CTNND2: variants seen among roughly 807,000 people sequenced by gnomAD.
CTNND2 encodes the protein catenin delta-2.
Under a neutral mutation model 144.4 loss-of-function variants are expected in CTNND2, and 22 were observed. The observed-to-expected ratio is 0.15, with a 90% CI of 0.11 to 0.22. The LOEUF (loss-of-function observed/expected upper bound fraction) is 0.22, where lower values mean the gene tolerates loss of function less well. Among genes scored for constraint, CTNND2 ranks in the 10% least tolerant of loss-of-function variants. The probability of loss-of-function intolerance (pLI) is 1.00; values close to 1 mark genes in which losing one functional copy is unlikely to be tolerated. For synonymous variants in CTNND2, 751 were observed against 695.6 expected (o/e 1.08, Z -1.25); for missense variants, 1,353 against 1,618.8 (o/e 0.84, Z 2.82).
chr5:11,447,715 G>T (rs775408289), intron 3 of CTNND2, among the ~76,000 whole-genome samples: 3 of 152,124 alleles, frequency 2.0e-5, no homozygotes, highest in Non-Finnish European at 2.9e-5. Flanking sequence ...CACAAGGCAC[G>T]TGGCTACTGT....
chr5:11,059,307 C>G (rs916933210), intron 16 of CTNND2, among the ~76,000 whole-genome samples: 6 of 152,244 alleles, frequency 3.9e-5, no homozygotes, highest in Admixed American at 3.9e-4. Flanking sequence ...GGGGGCAGGT[C>G]TTTCTTGTTC....
intron 17 of CTNND2, 48 bp from the exon 18 acceptor site, chr5:11,018,106 G>A (rs376528024): frequency 5.2e-5 from 66 of 1,258,386 alleles, no homozygotes; most frequent in Non-Finnish European, 7.0e-5. Context: ...GGACAGCTGT[G>A]TCACATTTCT....
chr5:11,830,301 C>A (rs893469490), intron 1 of CTNND2, among the ~76,000 whole-genome samples: 1 of 152,020 alleles, frequency 6.6e-6, no homozygotes, highest in African/African-American at 2.4e-5. Flanking sequence ...TTGGGAGGGG[C>A]CAGGGGCAGA....
chr5:11,051,923 C>T lies in CTNND2; in HGVS notation c.2789-28944G>A, dbSNP rs192472738. Among the ~76,000 whole-genome samples, 29 of 152,244 alleles carry T rather than the reference C, an allele frequency of 1.9e-4. 1 individual carries two copies. Among genetic ancestry groups the T allele is most frequent in the African/African-American group, 5.3e-4 (22 of 41,538 alleles). On this transcript the variant is annotated intron_variant, in intron 16 of 21. Transcript: ENST00000304623. Reference sequence around the variant, plus strand: ...TGCTTCTTCACTACGTAACGTTGTGCGTTTAATAAGCACTGTCTGCCTGCC... The same window carrying T: ...TGCTTCTTCACTACGTAACGTTGTGTGTTTAATAAGCACTGTCTGCCTGCC...
intron 3 of CTNND2, among the ~76,000 whole-genome samples, chr5:11,537,272 C>G (rs996460743): frequency 6.6e-6 from 1 of 152,060 alleles, no homozygotes; most frequent in Admixed American, 6.6e-5. Context: ...AAAGATGACC[C>G]AAGCGTCTTC....
At chr5:11,548,039 T>C (rs567961399) in intron 3 of CTNND2, among the ~76,000 whole-genome samples, 1 of 151,160 alleles carries the variant, frequency 6.6e-6, no homozygotes, top group East Asian at 1.9e-4. Context: ...AATGACGGAG[T>C]AGGAGTCATC....
At chr5:11,382,617 G>A (rs555348542) in intron 7 of CTNND2, among the ~76,000 whole-genome samples, 196 of 151,074 alleles carry the variant, frequency 1.3e-3, no homozygotes, top group Non-Finnish European at 2.0e-3. Context: ...GTGTGTGTGT[G>A]TGTGTGTGTG....
chr5:11,280,067 G>C (rs1251983848), intron 9 of CTNND2, among the ~76,000 whole-genome samples: 1 of 152,102 alleles, frequency 6.6e-6, no homozygotes, highest in Non-Finnish European at 1.5e-5. Context: ...CTTGCAATAA[G>C]AGTCAAAGCC....
chr5:11,000,071 C>T (rs902474394), intron 18 of CTNND2, among the ~76,000 whole-genome samples: 1 of 152,160 alleles, frequency 6.6e-6, no homozygotes, highest in African/African-American at 2.4e-5. Context: ...TAACACTCTC[C>T]ATTTTATATT....
intron 3 of CTNND2, among the ~76,000 whole-genome samples, chr5:11,448,087 G>A (rs1284836213): frequency 6.6e-6 from 1 of 152,176 alleles, no homozygotes; most frequent in Non-Finnish European, 1.5e-5. Flanking sequence ...GGTGAAGGAT[G>A]AGTGGGTGTG....
At chr5:11,032,592 C>T (rs149815551) in intron 16 of CTNND2, among the ~76,000 whole-genome samples, 42 of 152,196 alleles carry the variant, frequency 2.8e-4, no homozygotes, top group East Asian at 2.3e-3. Context: ...CTGGATTGTC[C>T]GGAGATCTCT....
At chr5:11,850,749 C>T (rs1359339216) in intron 1 of CTNND2, among the ~76,000 whole-genome samples, 1 of 152,130 alleles carries the variant, frequency 6.6e-6, no homozygotes, top group Non-Finnish European at 1.5e-5. Flanking sequence ...ATTTGAAGTA[C>T]ATTTTGTACT....
chr5:11,065,556 C>T (rs76335774), intron 16 of CTNND2, among the ~76,000 whole-genome samples: 3,572 of 152,298 alleles, frequency 0.023, 153 homozygotes, highest in African/African-American at 0.082. Context: ...AACATCCTTG[C>T]CAATATTCAT....
intron 2 of CTNND2, among the ~76,000 whole-genome samples, chr5:11,622,634 C>T (rs1780906821): frequency 6.6e-6 from 1 of 152,044 alleles, no homozygotes; most frequent in Admixed American, 6.6e-5. Context: ...CTGTCAGGTG[C>T]TTATCAGAAA....
intron 1 of CTNND2, among the ~76,000 whole-genome samples, chr5:11,746,129 C>T (rs1698325192): frequency 6.6e-6 from 1 of 152,088 alleles, no homozygotes; most frequent in African/African-American, 2.4e-5. Context: ...GTTGCCTCTC[C>T]TCTCACACCT....
chr5:11,487,117 G>A (rs920200363), intron 3 of CTNND2, among the ~76,000 whole-genome samples: 5 of 152,064 alleles, frequency 3.3e-5, no homozygotes, highest in Non-Finnish European at 7.4e-5. Context: ...AAACCTCCAT[G>A]ACCAAACACT....
chr5:11,686,467 A>G (rs1026635242), intron 2 of CTNND2, among the ~76,000 whole-genome samples: 2 of 152,128 alleles, frequency 1.3e-5, no homozygotes, highest in African/African-American at 2.4e-5. Context: ...ATTCAATTGT[A>G]TAATAACAAT....
chr5:11,028,800 C>G (rs1225786755), intron 16 of CTNND2, among the ~76,000 whole-genome samples: 1 of 152,194 alleles, frequency 6.6e-6, no homozygotes, highest in Non-Finnish European at 1.5e-5. Flanking sequence ...CCTCTGCCTC[C>G]TGGGTTCAAG....
At chr5:11,667,496 T>C (rs183358688) in intron 2 of CTNND2, among the ~76,000 whole-genome samples, 20 of 152,286 alleles carry the variant, frequency 1.3e-4, no homozygotes, top group African/African-American at 4.3e-4. Context: ...GTGGTTTTGA[T>C]TGCATTTCTC....
Sources: gnomAD v4.1 joint callset for allele counts (sites outside exome capture counted in the v4.1 genomes callset) on GRCh38, gnomAD v4.1.1 for gene constraint, MANE v1.5 for transcripts, NCBI Gene and HGNC (gene_info 2026-07-23, HGNC 2026-07-21) for gene names.